The following KIRREL3 variants were observed in gnomAD, a reference collection of about 807,000 sequenced individuals.
The protein encoded by KIRREL3 is kin of IRRE-like protein 3.
A neutral mutation model predicts 89.7 loss-of-function variants in KIRREL3; 36 were observed. The observed-to-expected ratio is 0.40, with a 90% CI of 0.31 to 0.53. KIRREL3 has a LOEUF of 0.53. Among genes scored for constraint, KIRREL3 ranks in the 20% least tolerant of loss-of-function variants. The probability of loss-of-function intolerance (pLI) is 0.49; values close to 1 mark genes in which losing one functional copy is unlikely to be tolerated. For missense variants in KIRREL3, 864 were observed against 1,056.6 expected (o/e 0.82, Z 2.53); for synonymous variants, 445 against 441.4 (o/e 1.01, Z -0.10).
chr11:126,440,534 G>A lies in KIRREL3; in HGVS notation c.1268C>T (p.Ser423Phe). The change falls in exon 11 of 17, where the codon TCC (serine) becomes TTC (phenylalanine). Residue 423 changes from serine (S) to phenylalanine (F), a missense_variant. Transcript: ENST00000525144. ...GAGGGCGTGCTGGGTCTGGGTGCTGGAGATGATGGGGGGTCCTGTTGAGAA... is the reference window on the plus strand; with the variant it reads ...GAGGGCGTGCTGGGTCTGGGTGCTGAAGATGATGGGGGGTCCTGTTGAGAA... ...TLTVNGPPII[S>F]STQTQHALHG... The A allele has an allele frequency of 6.3e-7, 1 of 1,599,948 alleles. No individual in the cohort carries two copies. Among genetic ancestry groups the A allele is most frequent in the Non-Finnish European group, 8.5e-7 (1 of 1,173,698 alleles).
intron 1 of KIRREL3, among the ~76,000 whole-genome samples, chr11:126,699,542 T>C (rs1220368858): frequency 3.9e-5 from 6 of 152,206 alleles, no homozygotes; most frequent in Non-Finnish European, 8.8e-5. Flanking sequence ...TTAGTAATAT[T>C]TCAAATATTA....
In KIRREL3 at chr11:126,923,187, CTCTTCTTCTTCTTCTTCTTCT is replaced by C. The variant is rs1209221075; in HGVS notation, c.55+77247_55+77267del. 1.7e-3 allele frequency among the ~76,000 whole-genome samples: 41 copies of C among 23,836 alleles called. 4 individuals carry two copies. The highest frequency in any genetic ancestry group is 3.3e-3 in the Admixed American group (7 of 2,118). The allele number at this position is 23,836 out of a possible 152,430, so 15.6% of individuals were successfully genotyped here. The stretch of plus-strand genomic sequence containing the variant: ...TTCTTCTTCTTCTTCTCTTCTTCTT[CTCTTCTTCTTCTTCTTCTTCT>C]TCTTCTTCTTCTTCTTCTTCTTCTT... On this transcript the variant is annotated intron_variant, in intron 1 of 16. Coordinates refer to ENST00000525144, the MANE Select transcript of KIRREL3 (RefSeq NM_032531.4).
rs1944063050 is a variant in KIRREL3, at chr11:126,844,339, C to T, written c.55+156116G>A. Among the ~76,000 whole-genome samples, 1 of 152,100 alleles carries T rather than the reference C, an allele frequency of 6.6e-6. No individual in the cohort carries two copies. Among genetic ancestry groups the T allele is most frequent in the African/African-American group, 2.4e-5 (1 of 41,400 alleles). ...ACAGAAGGGACAATACTAAGGAAAC[C>T]CCAGACCCAAAGGCTAACCTTGGGT... On this transcript the variant is annotated intron_variant, in intron 1 of 16. Coordinates refer to ENST00000525144, the MANE Select transcript of KIRREL3 (RefSeq NM_032531.4). The surrounding 1 kb of genome is among the most constrained non-coding windows in gnomAD (Gnocchi z 4.8).
intron 1 of KIRREL3, among the ~76,000 whole-genome samples, chr11:126,987,000 C>T (rs1345019371): frequency 1.3e-5 from 2 of 152,144 alleles, no homozygotes; most frequent in African/African-American, 4.8e-5. Context: ...GGTCAAAACC[C>T]TTCTGATGTA....
rs13377256 is a variant in KIRREL3 at position 126,748,483 on chromosome 11, T to C, written c.56-185571A>G. On this transcript the variant is annotated intron_variant, in intron 1 of 16. Transcript: ENST00000525144. The surrounding 1 kb of genome is among the most constrained non-coding windows in gnomAD (Gnocchi z 4.6). ...CGGCGAGAATTATTCCCAGCAGGCG[T>C]TTCAGGCCATCTCTAAACAGGCTCT... 0.21 allele frequency among the ~76,000 whole-genome samples: 32,651 copies of C among 152,242 alleles called. 3,996 individuals are homozygous for C. The highest frequency in any genetic ancestry group is 0.31 in the African/African-American group (12,693 of 41,514).
rs1339181385 is a variant in KIRREL3 at position 126,432,586 on chromosome 11, A to G, written c.1589-1060T>C. Reference sequence around the variant, plus strand: ...CTGCTCCCACCCCTCCACTCACCCCACTCCCACCCCGTCCAGCTCCACCCA... The same window carrying G: ...CTGCTCCCACCCCTCCACTCACCCCGCTCCCACCCCGTCCAGCTCCACCCA... On this transcript the variant is annotated intron_variant, in intron 13 of 16. Coordinates refer to ENST00000525144, the MANE Select transcript of KIRREL3 (RefSeq NM_032531.4). The surrounding 1 kb of genome is among the most constrained non-coding windows in gnomAD (Gnocchi z 6.2). 6.9e-6 allele frequency among the ~76,000 whole-genome samples: 1 copy of G among 143,926 alleles called. No individual in the cohort carries two copies. The highest frequency in any genetic ancestry group is 7.0e-5 in the Admixed American group (1 of 14,326). The allele number at this position is 143,926 out of a possible 152,430, so 94.4% of individuals were successfully genotyped here.
intron 1 of KIRREL3, among the ~76,000 whole-genome samples, chr11:126,799,297 T>C (rs1441399185): frequency 1.7e-5 from 1 of 57,768 alleles, no homozygotes; most frequent in Non-Finnish European, 3.2e-5. Context: ...TGTGTATCTG[T>C]ACGTGTGTGC....
chr11:126,634,801 T>C lies in KIRREL3; in HGVS notation c.56-71889A>G, dbSNP rs1427242. 9.9e-3 allele frequency among the ~76,000 whole-genome samples: 1,501 copies of C among 152,224 alleles called. 59 individuals are homozygous for C. In the East Asian group the frequency reaches 0.099, roughly 10 times the overall value. ...AGAATCAAATTCCTGCAAATATCCA[T>C]CCTCGGTCCTAGGCTACAGGTCTGC... is the stretch of plus-strand genomic sequence containing the variant. On this transcript the variant is annotated intron_variant, in intron 1 of 16. Transcript: ENST00000525144.
intron 4 of KIRREL3, among the ~76,000 whole-genome samples, chr11:126,479,735 A>G (rs1006709903): frequency 2.6e-5 from 4 of 152,186 alleles, no homozygotes; most frequent in Admixed American, 1.3e-4. Context: ...GGCCGGCCAG[A>G]GAAAGGGGCA....
At chr11:126,591,427 G>A (rs1233358904) in intron 1 of KIRREL3, among the ~76,000 whole-genome samples, 4 of 152,180 alleles carry the variant, frequency 2.6e-5, no homozygotes, top group South Asian at 2.1e-4. Context: ...GGTTGGCCCC[G>A]GCTGGTTATA....
intron 1 of KIRREL3, among the ~76,000 whole-genome samples, chr11:126,815,301 G>A (rs1951519810): frequency 6.6e-6 from 1 of 152,142 alleles, no homozygotes; most frequent in African/African-American, 2.4e-5. Flanking sequence ...TGGAAGGAAG[G>A]GGCAAGCCTA....
chr11:126,710,446 A>G lies in KIRREL3; in HGVS notation c.56-147534T>C, dbSNP rs1947712252. On this transcript the variant is annotated intron_variant, in intron 1 of 16. Coordinates refer to ENST00000525144, the MANE Select transcript of KIRREL3 (RefSeq NM_032531.4). This position sits in a 1 kb window ranked among gnomAD's most constrained non-coding sequence, Gnocchi z 4.2. ...AGCTTTAGCTTCCCACGACTGTTCA[A>G]TAGCATTCAAGTAACCCTTCATGGC... 6.6e-6 allele frequency among the ~76,000 whole-genome samples: 1 copy of G among 152,218 alleles called. No individual in the cohort carries two copies. Among genetic ancestry groups the G allele is most frequent in the South Asian group, 2.1e-4 (1 of 4,832 alleles).
intron 7 of KIRREL3, among the ~76,000 whole-genome samples, chr11:126,451,303 T>TTAGTGA (rs1491123728): frequency 4.2e-5 from 6 of 141,656 alleles, no homozygotes; most frequent in African/African-American, 1.6e-4. Flanking sequence ...CATGTGTGCA[T>TTAGTGA]GTGTGTGCAT....
At chr11:126,542,785 G>A (rs1938470881) in intron 2 of KIRREL3, among the ~76,000 whole-genome samples, 1 of 152,232 alleles carries the variant, frequency 6.6e-6, no homozygotes, top group African/African-American at 2.4e-5. Flanking sequence ...ACTTCATTAA[G>A]CAAACTTGGT....
At chr11:126,926,585 TCACCAGCACC>T (rs1947724114) in intron 1 of KIRREL3, among the ~76,000 whole-genome samples, 1 of 152,058 alleles carries the variant, frequency 6.6e-6, no homozygotes, top group Admixed American at 6.5e-5. Flanking sequence ...CAGAAGCCTC[TCACCAGCACC>T]CTTCCTGCCC....
At chr11:126,922,819 T>A (rs1202804356) in intron 1 of KIRREL3, among the ~76,000 whole-genome samples, 1 of 152,006 alleles carries the variant, frequency 6.6e-6, no homozygotes, top group African/African-American at 2.4e-5. Flanking sequence ...CTTGAAAGAG[T>A]TCCTTGCATT....
rs1956628737 is a variant in KIRREL3, at chr11:126,463,795, G to A, written c.592-488C>T. 6.6e-6 allele frequency among the ~76,000 whole-genome samples: 1 copy of A among 152,088 alleles called. No homozygotes were observed. The highest frequency in any genetic ancestry group is 1.9e-4 in the East Asian group (1 of 5,182). ...GGGGAATGGGAGTCAGAGTGGGTGG[G>A]GATATGGGCAGAATCAGTGCACATC... is the stretch of plus-strand genomic sequence containing the variant. On this transcript the variant is annotated intron_variant, in intron 5 of 16. Coordinates refer to ENST00000525144, the MANE Select transcript of KIRREL3 (RefSeq NM_032531.4). This position sits in a 1 kb window ranked among gnomAD's most constrained non-coding sequence, Gnocchi z 5.9.
At chr11:126,832,847 G>A (rs1314714343) in intron 1 of KIRREL3, among the ~76,000 whole-genome samples, 3 of 152,170 alleles carry the variant, frequency 2.0e-5, no homozygotes, top group Non-Finnish European at 2.9e-5. Context: ...TGTTTGTTTC[G>A]TGTTTCTGTT....
intron 1 of KIRREL3, among the ~76,000 whole-genome samples, chr11:126,974,924 A>G (rs1439032891): frequency 6.6e-6 from 1 of 151,728 alleles, no homozygotes; most frequent in Non-Finnish European, 1.5e-5. Context: ...TTATGTATGT[A>G]TTTATTTATG....
Sources: gnomAD v4.1 joint callset for allele counts (sites outside exome capture counted in the v4.1 genomes callset) on GRCh38, gnomAD v4.1.1 for gene constraint, Gnocchi (gnomAD v3.1) non-coding constraint, MANE v1.5 for transcripts, NCBI Gene and HGNC (gene_info 2026-07-23, HGNC 2026-07-21) for gene names.